Variants in AXIN2 observed in about 807,000 individuals in gnomAD.
AXIN2 encodes the protein axin 2.
Under a neutral mutation model 74.7 loss-of-function variants are expected in AXIN2, and 21 were observed. That is an observed-to-expected ratio of 0.28 (90% CI 0.20 to 0.40). The LOEUF (loss-of-function observed/expected upper bound fraction) is 0.40. AXIN2 is among the 10% of genes least tolerant of loss of function. The pLI, the probability that AXIN2 is intolerant of heterozygous loss-of-function variation, is 1.00. For synonymous variants in AXIN2, 532 were observed against 454.9 expected (o/e 1.17, Z -2.16); for missense variants, 1,144 against 1,111.1 (o/e 1.03, Z -0.42).
Position 65,558,039 on chromosome 17 carries a change from A to C in AXIN2, c.582T>G (p.Asp194Glu). The C allele has an allele frequency of 6.2e-7, 1 of 1,614,088 alleles. No individual in the cohort carries two copies. Among genetic ancestry groups the C allele is most frequent in the Non-Finnish European group, 8.5e-7 (1 of 1,180,034 alleles). The change falls in exon 2 of 11, where the codon GAT becomes GAG. Residue 194 changes from aspartate (D) to glutamate (E), a missense_variant. Physicochemically the swap from Asp to Glu is conservative, Grantham distance 45. Around this residue, in one of 4 missense-constraint regions of AXIN2, gnomAD observed 1,053 missense variants for 973.5 expected, o/e 1.08. Transcript: ENST00000307078. ...CACTCCTCACATATTCGAGGTATAT[A>C]TCAGAAGTCAAAAACATCTGGTAGG... is the stretch of plus-strand genomic sequence containing the variant. ...ENAYQMFLTS[D>E]IYLEYVRSGG...
rs770245741 is a variant in AXIN2, at chr17:65,528,738, T to C, written c.*1238A>G. ...ACTTGTAATAAAAAGGCATAAAATA[T>C]ATTTATACATAAACCCCTTTCAAAA... On this transcript the variant is annotated 3_prime_UTR_variant, in exon 11 of 11. Transcript: ENST00000307078. The C allele has an allele frequency of 2.0e-6, 1 of 502,676 alleles. No homozygotes were observed. The highest frequency in any genetic ancestry group is 1.7e-5 in the South Asian group (1 of 58,682). 31.1% of individuals were successfully genotyped at this position (502,676 alleles called of 1,614,324 possible). A position where few individuals can be genotyped will look rare whatever the true frequency, so the allele number is the denominator to read the frequency against.
chr17:65,554,243 CTCT>C (rs2044235728), intron 2 of AXIN2, among the ~76,000 whole-genome samples: 1 of 150,794 alleles, frequency 6.6e-6, no homozygotes, highest in Non-Finnish European at 1.5e-5. Context: ...CCTTCTCCTC[CTCT>C]TCCTCTTCCT....
intron 4 of AXIN2, among the ~76,000 whole-genome samples, chr17:65,540,680 T>C (rs374851556): frequency 6.6e-6 from 1 of 152,124 alleles, no homozygotes; most frequent in African/African-American, 2.4e-5. Flanking sequence ...GTAGTTCATA[T>C]GAGATCTGGT....
In AXIN2 at chr17:65,536,996, C is replaced by G; in HGVS notation, c.1780G>C (p.Ala594Pro). 1 of 1,612,346 alleles carries G rather than the reference C, an allele frequency of 6.2e-7. No individual in the cohort carries two copies. Among genetic ancestry groups the G allele is most frequent in the South Asian group, 1.1e-5 (1 of 91,046 alleles). Reference sequence around the variant, plus strand: ...CCGCCGGGGGCCCCTCCTTCCCTGGCGGGCAGGGCCAGGCCCGGCTCCGTG... The same window carrying G: ...CCGCCGGGGGCCCCTCCTTCCCTGGGGGGCAGGGCCAGGCCCGGCTCCGTG... ...KGTEPGLALP[A>P]REGGAPGGAG... The change falls in exon 7 of 11, where the codon GCC becomes CCC. Residue 594 changes from alanine to proline, a missense_variant. Ala to Pro is a conservative substitution (Grantham distance 27). Coordinates refer to ENST00000307078, the MANE Select transcript of AXIN2 (RefSeq NM_004655.4).
intron 5 of AXIN2, 119 bp downstream of exon 5, chr17:65,538,084 C>CGTT: frequency 1.3e-6 from 2 of 1,551,932 alleles, no homozygotes; most frequent in Non-Finnish European, 1.7e-6. Flanking sequence ...GCAGCCCACG[C>CGTT]GCATGCGCAT....
Position 65,534,218 on chromosome 17 carries a change from C to T in AXIN2, c.2238-139G>A. 3 of 1,084,734 alleles carry T rather than the reference C, an allele frequency of 2.8e-6. No individual in the cohort carries two copies. In the South Asian group the frequency reaches 3.9e-5, roughly 14 times the overall value. 67.2% of individuals were successfully genotyped at this position (1,084,734 alleles called of 1,614,324 possible). On this transcript the variant is annotated intron_variant, in intron 9 of 10. Transcript: ENST00000307078. ...TGCAATTGTAAACCCAAAGTGGGGG[C>T]TGGGGCAGAGCCCCACATCCCAGAG... is the stretch of plus-strand genomic sequence containing the variant.
Position 65,537,798 on chromosome 17 carries a change from G to T in AXIN2, c.1238C>A (p.Ser413Ter). 6.3e-7 allele frequency: 1 copy of T among 1,586,570 alleles called. No individual in the cohort carries two copies. Among genetic ancestry groups the T allele is most frequent in the Non-Finnish European group, 8.6e-7 (1 of 1,167,094 alleles). ...EREGSELTLNSREGAPTQHPL... is the reference protein window; with the variant it reads ...EREGSELTLN ...GTGCTGCGTGGGCGCCCCCTCCCGC[G>T]AATTGAGTGTGAGCTCGGAGCCCTC... The change falls in exon 6 of 11, where the codon TCG becomes TAG. Residue 413 changes from serine to a stop codon, truncating the protein, a stop_gained. Transcript: ENST00000307078. LOFTEE classifies it high-confidence loss of function.
rs1392240261 is a variant in AXIN2, at chr17:65,533,962, G to A, written c.2355C>T (p.Ser785=). Residue 785 remains serine (S), a synonymous_variant, in exon 10 of 11, where the codon AGC becomes AGT. Coordinates refer to ENST00000307078, the MANE Select transcript of AXIN2 (RefSeq NM_004655.4). ...IPYRRMLKAQ[S]LTLGHFKEQL... is the part of the protein sequence containing the mutation. ...GCTCTTTAAAGTGGCCCAGGGTCAAGCTCTGAGCCTTCAGCATCCTCCGGT... is the reference window on the plus strand; with the variant it reads ...GCTCTTTAAAGTGGCCCAGGGTCAAACTCTGAGCCTTCAGCATCCTCCGGT... The A allele has an allele frequency of 3.1e-6, 5 of 1,614,070 alleles. No individual in the cohort carries two copies. The Admixed American group carries it at 5.0e-5, about 16-fold the overall frequency.
At chr17:65,549,074 A>C (rs1352493644) in intron 3 of AXIN2, among the ~76,000 whole-genome samples, 1 of 152,182 alleles carries the variant, frequency 6.6e-6, no homozygotes, top group Non-Finnish European at 1.5e-5. Context: ...TTCCTCCAAA[A>C]ACAATGAATA....
At chr17:65,553,646 A>G (rs2044224415) in intron 2 of AXIN2, among the ~76,000 whole-genome samples, 1 of 152,146 alleles carries the variant, frequency 6.6e-6, no homozygotes, top group Admixed American at 6.5e-5. Flanking sequence ...AAAATGGAAT[A>G]TACTGCTCTT....
intron 10 of AXIN2, 22 bp from the exon 11 acceptor site, chr17:65,530,124 GCTT>G: frequency 6.2e-7 from 1 of 1,613,772 alleles, no homozygotes; most frequent in Non-Finnish European, 8.5e-7. Context: ...AACCAAAAAA[GCTT>G]CTTGGTAAAC....
chr17:65,538,060 GCA>G, intron 5 of AXIN2, 141 bp downstream of exon 5: 1 of 1,468,124 alleles, frequency 6.8e-7, no homozygotes, highest in Non-Finnish European at 9.3e-7. Flanking sequence ...CCACGCCCAG[GCA>G]CACACCCACA....
At chr17:65,557,723 G>T in intron 2 of AXIN2, 83 bp downstream of exon 2, 2 of 1,390,406 alleles carry the variant, frequency 1.4e-6, no homozygotes, top group Non-Finnish European at 1.0e-6. Context: ...AGTCTCTGCA[G>T]CACACCCATC....
In AXIN2 at chr17:65,534,067, T is replaced by C. The variant is rs1784885423; in HGVS notation, c.2250A>G (p.Pro750=). 1.2e-6 allele frequency: 2 copies of C among 1,614,248 alleles called. No individual in the cohort carries two copies. Among genetic ancestry groups the C allele is most frequent in the Non-Finnish European group, 1.7e-6 (2 of 1,180,046 alleles). ...GCGCGTGGACACCTGCCAGTTTCTT[T>C]GGCTCTTTGTGACTGAAAATAAGAT... The part of the protein sequence containing the change: ...PSLAPEDHKE[P]KKLAGVHALQ... The change falls in exon 10 of 11, where the codon CCA becomes CCG. Residue 750 remains proline (P), a synonymous_variant. Transcript: ENST00000307078.
chr17:65,538,232 G>C lies in AXIN2; in HGVS notation c.1171C>G (p.Leu391Val). ...CGGATCTGCTGCAGGCGCTCCTCCA[G>C]GCTGTGGCGGCTCTCCAACTCCAGC... ...LKLELESRHS[L>V]EERLQQIRED... is the part of the protein sequence containing the mutation. The change falls in exon 5 of 11, where the codon CTG becomes GTG. Residue 391 changes from leucine (L) to valine (V), a missense_variant. Transcript: ENST00000307078. 1 of 1,614,166 alleles carries C rather than the reference G, an allele frequency of 6.2e-7. No homozygotes were observed. Among genetic ancestry groups the C allele is most frequent in the Non-Finnish European group, 8.5e-7 (1 of 1,180,034 alleles).
chr17:65,543,916 TGTATG>T (rs1410685868), intron 3 of AXIN2, among the ~76,000 whole-genome samples: 3 of 152,186 alleles, frequency 2.0e-5, no homozygotes, highest in Admixed American at 1.3e-4. Flanking sequence ...TAAGATACCT[TGTATG>T]GTAGGGGTGG....
chr17:65,550,156 C>G (rs967236371), intron 2 of AXIN2, among the ~76,000 whole-genome samples: 1 of 152,210 alleles, frequency 6.6e-6, no homozygotes, highest in South Asian at 2.1e-4. Context: ...GAGATGCAAA[C>G]AGCTAGAGGC....
intron 10 of AXIN2, among the ~76,000 whole-genome samples, chr17:65,533,301 G>C (rs149851548): frequency 6.6e-6 from 1 of 152,146 alleles, no homozygotes; most frequent in Non-Finnish European, 1.5e-5. Context: ...GTGCCCACCC[G>C]CAGGTCCAGC....
intron 7 of AXIN2, 86 bp from the exon 8 acceptor site, chr17:65,536,639 C>G: frequency 2.7e-6 from 4 of 1,499,000 alleles, no homozygotes; most frequent in East Asian, 4.5e-5. Flanking sequence ...AGAAACTTGT[C>G]TATTCTGCTC....
Sources: gnomAD v4.1 joint callset for allele counts (sites outside exome capture counted in the v4.1 genomes callset) on GRCh38, gnomAD v4.1.1 for gene constraint, gnomAD v4.1.1 regional missense constraint, MANE v1.5 for transcripts, NCBI Gene and HGNC (gene_info 2026-07-23, HGNC 2026-07-21) for gene names.